The following TRAF3 variants were observed in gnomAD, a reference collection of about 807,000 sequenced individuals.
TRAF3 encodes TNF receptor associated factor 3, also known as TNF receptor-associated factor 3.
In TRAF3, 13 loss-of-function variants were observed where a neutral mutation model predicts 62.3. The observed-to-expected ratio is 0.21, with a 90% CI of 0.14 to 0.33. TRAF3 has a LOEUF of 0.33. TRAF3 is among the 10% of genes least tolerant of loss of function. The pLI is 1.00. For synonymous variants in TRAF3, 269 were observed against 283.4 expected, an observed-to-expected ratio of 0.95 and a Z score of 0.51; for missense variants, 440 against 741.8, an observed-to-expected ratio of 0.59 and a Z score of 4.73.
chr14:102,799,462 T>A (rs1006199995), intron 1 of TRAF3, among the ~76,000 whole-genome samples: 1 of 152,124 alleles, frequency 6.6e-6, no homozygotes, highest in Non-Finnish European at 1.5e-5. Flanking sequence ...TTGTTGTTTG[T>A]TTTTTTGAGA....
chr14:102,803,651 T>C (rs901114717), intron 1 of TRAF3, among the ~76,000 whole-genome samples: 61 of 151,956 alleles, frequency 4.0e-4, no homozygotes, highest in African/African-American at 1.4e-3. Context: ...GCTCAACTGA[T>C]CCTCCTGCTT....
At chr14:102,838,462 A>T (rs1375679139) in intron 2 of TRAF3, among the ~76,000 whole-genome samples, 1 of 152,210 alleles carries the variant, frequency 6.6e-6, no homozygotes, top group Non-Finnish European at 1.5e-5. Context: ...TCAACAAACA[A>T]GTGGTACCTG....
chr14:102,891,192 A>G, intron 8 of TRAF3, 133 bp from the exon 9 acceptor site: 1 of 855,906 alleles, frequency 1.2e-6, no homozygotes, highest in Admixed American at 2.1e-5. Flanking sequence ...AGGCGCAGAG[A>G]TTCCCTGTTC....
intron 4 of TRAF3, among the ~76,000 whole-genome samples, chr14:102,874,122 G>A (rs955554997): frequency 6.6e-6 from 1 of 152,074 alleles, no homozygotes; most frequent in Middle Eastern, 3.2e-3. Flanking sequence ...AAAGTTACCT[G>A]GGCTTGGAGG....
chr14:102,779,510 A>G (rs1160115110), intron 1 of TRAF3, among the ~76,000 whole-genome samples: 2 of 152,116 alleles, frequency 1.3e-5, no homozygotes, highest in African/African-American at 2.4e-5. Context: ...AAAGTCCTTC[A>G]TTTAACTGAG....
At chr14:102,885,621 A>G (rs1215393711) in intron 6 of TRAF3, among the ~76,000 whole-genome samples, 3 of 152,182 alleles carry the variant, frequency 2.0e-5, no homozygotes, top group African/African-American at 7.2e-5. Context: ...ACCTATCCCA[A>G]TTTTCTATGG....
At chr14:102,895,768 A>G (rs1311103589) in intron 9 of TRAF3, among the ~76,000 whole-genome samples, 3 of 152,230 alleles carry the variant, frequency 2.0e-5, no homozygotes, top group Non-Finnish European at 4.4e-5. Flanking sequence ...GGAGCTAATT[A>G]TCTTTCAGAA....
Position 102,869,698 on chromosome 14 carries a change from C to T in TRAF3, c.-17-487C>T, listed in dbSNP as rs191336115. Among the ~76,000 whole-genome samples, 175 of 150,742 alleles carry T rather than the reference C, an allele frequency of 1.2e-3. 2 individuals are homozygous for T. The highest frequency in any genetic ancestry group is 6.8e-3 in the Middle Eastern group (2 of 292). ...GTGGCCGCCTGTAGTCTCAGCTACT[C>T]GGGAGGCTGAGGCAGGAGAATGGCA... On this transcript the variant is annotated intron_variant, in intron 2 of 11. Transcript: ENST00000392745.
chr14:102,790,409 T>C (rs547726499), intron 1 of TRAF3, among the ~76,000 whole-genome samples: 1 of 152,336 alleles, frequency 6.6e-6, no homozygotes, highest in Admixed American at 6.5e-5. Flanking sequence ...TATATTAGTC[T>C]GTTCTCATGC....
chr14:102,798,939 A>G (rs1898242763), intron 1 of TRAF3, among the ~76,000 whole-genome samples: 1 of 152,256 alleles, frequency 6.6e-6, no homozygotes, highest in African/African-American at 2.4e-5. Flanking sequence ...GAACAAAAAA[A>G]GGACAAATTA....
intron 6 of TRAF3, among the ~76,000 whole-genome samples, chr14:102,882,607 C>G (rs1340971561): frequency 6.6e-6 from 1 of 150,996 alleles, no homozygotes; most frequent in Non-Finnish European, 1.5e-5. Flanking sequence ...TATTCTCATC[C>G]CCTGAGGCCT....
At chr14:102,806,080 A>G (rs1208045870) in intron 1 of TRAF3, among the ~76,000 whole-genome samples, 1 of 151,036 alleles carries the variant, frequency 6.6e-6, no homozygotes, top group African/African-American at 2.4e-5. Flanking sequence ...AACCTTCAGA[A>G]GTGGGGTGGG....
intron 1 of TRAF3, among the ~76,000 whole-genome samples, chr14:102,818,418 G>GT (rs920402612): frequency 3.3e-5 from 5 of 152,202 alleles, no homozygotes; most frequent in African/African-American, 4.8e-5. Context: ...ACTTCATGGA[G>GT]TGGAAGCATT....
At chr14:102,845,358 A>G (rs1430248018) in intron 2 of TRAF3, among the ~76,000 whole-genome samples, 1 of 151,342 alleles carries the variant, frequency 6.6e-6, no homozygotes, top group African/African-American at 2.4e-5. Context: ...GCACGCCACT[A>G]GCTCTGGCTA....
At chr14:102,834,172 G>C (rs935969758) in intron 2 of TRAF3, among the ~76,000 whole-genome samples, 2 of 152,038 alleles carry the variant, frequency 1.3e-5, no homozygotes, top group Admixed American at 1.3e-4. Flanking sequence ...GAACAAAGCT[G>C]GAGGCATTCT....
At chr14:102,815,932 C>A (rs963934058) in intron 1 of TRAF3, among the ~76,000 whole-genome samples, 2 of 152,126 alleles carry the variant, frequency 1.3e-5, no homozygotes, top group Non-Finnish European at 2.9e-5. Context: ...ACTTCCTTCC[C>A]TTGACACATG....
chr14:102,838,122 G>A (rs1002558138), intron 2 of TRAF3, among the ~76,000 whole-genome samples: 1 of 152,234 alleles, frequency 6.6e-6, no homozygotes, highest in African/African-American at 2.4e-5. Flanking sequence ...GTGTTGTGAA[G>A]CTGCTGAATC....
chr14:102,867,468 CA>C (rs1888069053), intron 2 of TRAF3, among the ~76,000 whole-genome samples: 1 of 152,048 alleles, frequency 6.6e-6, no homozygotes, highest in African/African-American at 2.4e-5. Flanking sequence ...GCAGGAGGGC[CA>C]GGGGAAAAGC....
In TRAF3 at chr14:102,904,997, A is replaced by G. The variant is rs188635218; in HGVS notation, c.1136-216A>G. Among the ~76,000 whole-genome samples, 22 of 152,224 alleles carry G rather than the reference A, an allele frequency of 1.4e-4. No individual in the cohort carries two copies. The East Asian group carries it at 3.5e-3, about 24-fold the overall frequency. ...CGTGGTGGCAGGCACCTCTAATCCCAGCTGCTCAGGAGGCTGAGACAGGAG... is the reference window on the plus strand; with the variant it reads ...CGTGGTGGCAGGCACCTCTAATCCCGGCTGCTCAGGAGGCTGAGACAGGAG... On this transcript the variant is annotated intron_variant, in intron 11 of 11. Coordinates refer to ENST00000392745, the MANE Select transcript of TRAF3 (RefSeq NM_145725.3).
Sources: gnomAD v4.1 joint callset for allele counts (sites outside exome capture counted in the v4.1 genomes callset) on GRCh38, gnomAD v4.1.1 for gene constraint, MANE v1.5 for transcripts, NCBI Gene and HGNC (gene_info 2026-07-23, HGNC 2026-07-21) for gene names.